Variants in C9orf50 observed in about 807,000 individuals in gnomAD.
C9orf50 encodes chromosome 9 open reading frame 50.
C9orf50 carries 33 observed loss-of-function variants against 42.5 expected under a neutral mutation model. The observed-to-expected ratio is 0.78, with a 90% CI of 0.59 to 1.04. The LOEUF (loss-of-function observed/expected upper bound fraction) is 1.04, where lower values mean the gene tolerates loss of function less well. C9orf50 is among the 50% of genes least tolerant of loss of function. The pLI, the probability that C9orf50 is intolerant of heterozygous loss-of-function variation, is 0.00. For synonymous variants in C9orf50, 257 were observed against 273.4 expected (o/e 0.94, Z 0.59); for missense variants, 547 against 594.3 (o/e 0.92, Z 0.83).
chr9:129,613,531 C>T lies in C9orf50; in HGVS notation c.947G>A (p.Ser316Asn). The T allele has an allele frequency of 6.2e-7, 1 of 1,614,218 alleles. No individual in the cohort carries two copies. Among genetic ancestry groups the T allele is most frequent in the Non-Finnish European group, 8.5e-7 (1 of 1,180,026 alleles). ...CAAACTCTCCAGCCGTTTTCCGACA[C>T]TCCCAAACACCCGCTCGGACGCCAC... The change falls in exon 5 of 7, where the codon AGT becomes AAT. Residue 316 changes from serine to asparagine, a missense_variant. Around this residue, in one of 3 missense-constraint regions of C9orf50, gnomAD observed 334 missense variants for 323.7 expected, o/e 1.03. Coordinates refer to ENST00000372478, the Ensembl canonical transcript of C9orf50. This position sits in a 1 kb window ranked among gnomAD's most constrained non-coding sequence, Gnocchi z 6.2.
At chr9:129,612,279 G>A (rs1294549980) in exon 7 of C9orf50, 2 of 1,352,998 alleles carry the variant, frequency 1.5e-6, no homozygotes, top group Non-Finnish European at 1.0e-6. Context: ...GCCTTTATTT[G>A]TGGGGCAAGG....
Position 129,620,763 on chromosome 9 carries a change from C to T in C9orf50, c.-189G>A, listed in dbSNP as rs901628668. 3 of 467,460 alleles carry T rather than the reference C, an allele frequency of 6.4e-6. No individual in the cohort carries two copies. Among genetic ancestry groups the T allele is most frequent in the Non-Finnish European group, 1.0e-5 (3 of 290,642 alleles). 29.0% of individuals were successfully genotyped at this position (467,460 alleles called of 1,614,324 possible). On this transcript the variant is annotated 5_prime_UTR_variant, in exon 1 of 7. Transcript: ENST00000372478. This position sits in a 1 kb window ranked among gnomAD's most constrained non-coding sequence, Gnocchi z 5.8. ...CGAGAGCTCCCAGAGCCTCTGTTTC[C>T]TCACCTGAAAAATGGTGACAGCAAG... is the stretch of plus-strand genomic sequence containing the variant.
In C9orf50 at chr9:129,620,050, G is replaced by T; in HGVS notation, c.508+17C>A. On this transcript the variant is annotated intron_variant, in intron 1 of 6. Coordinates refer to ENST00000372478, the Ensembl canonical transcript of C9orf50. The surrounding 1 kb of genome is among the most constrained non-coding windows in gnomAD (Gnocchi z 5.8). Reference sequence around the variant, plus strand: ...GAAATGACTCGGGCCCGCCCCCCGGGCCCCGCGGGGCCTCACTCAGTGGCT... The same window carrying T: ...GAAATGACTCGGGCCCGCCCCCCGGTCCCCGCGGGGCCTCACTCAGTGGCT... 6.9e-7 allele frequency: 1 copy of T among 1,453,530 alleles called. No individual in the cohort carries two copies. Among genetic ancestry groups the T allele is most frequent in the Non-Finnish European group, 9.1e-7 (1 of 1,101,416 alleles). The allele number at this position is 1,453,530 out of a possible 1,614,324, so 90.0% of individuals were successfully genotyped here.
At chr9:129,618,582 A>G (rs577610984) in intron 3 of C9orf50, among the ~76,000 whole-genome samples, 30 of 152,360 alleles carry the variant, frequency 2.0e-4, no homozygotes, top group Non-Finnish European at 3.7e-4. Flanking sequence ...AGCGATGGAC[A>G]GTGTCCTGGG....
rs2118852066 is a variant in C9orf50, at chr9:129,613,182, T to C, written c.1113A>G (p.Ser371=). The change falls in exon 6 of 7, where the codon TCA becomes TCG. Residue 371 remains serine, a synonymous_variant. Transcript: ENST00000372478. The surrounding 1 kb of genome is among the most constrained non-coding windows in gnomAD (Gnocchi z 6.2). Reference sequence around the variant, plus strand: ...GCCTCTGAGCAGCGGCCTTCTTCCATGAACAGAAGGGCAGGCTGCTGTTCA... The same window carrying C: ...GCCTCTGAGCAGCGGCCTTCTTCCACGAACAGAAGGGCAGGCTGCTGTTCA... The C allele has an allele frequency of 2.5e-6, 4 of 1,613,686 alleles. No individual in the cohort carries two copies. Among genetic ancestry groups the C allele is most frequent in the Non-Finnish European group, 3.4e-6 (4 of 1,180,008 alleles).
At position 129,614,029 on chromosome 9, in the gene C9orf50, G is replaced by A. The variant is rs1028618377; in HGVS notation, c.881-432C>T. On this transcript the variant is annotated intron_variant, in intron 4 of 6. Transcript: ENST00000372478. This position sits in a 1 kb window ranked among gnomAD's most constrained non-coding sequence, Gnocchi z 4.4. ...TGGCTGCCCCAGGATGGAAAGGGCTGGGAAGCAGCAGGCTGGCCCCCACGT... is the reference window on the plus strand; with the variant it reads ...TGGCTGCCCCAGGATGGAAAGGGCTAGGAAGCAGCAGGCTGGCCCCCACGT... Among the ~76,000 whole-genome samples, 1 of 152,190 alleles carries A rather than the reference G, an allele frequency of 6.6e-6. No individual in the cohort carries two copies. Among genetic ancestry groups the A allele is most frequent in the Non-Finnish European group, 1.5e-5 (1 of 68,024 alleles).
chr9:129,620,506 G>C lies in C9orf50; in HGVS notation c.69C>G (p.Asp23Glu). ...GCCGCGGGTCGCTGCTGCGTCGGAA[G>C]TCTCCGTCGCCAGGGAGCCCCTTGG... Residue 23 changes from aspartate to glutamate, a missense_variant, in exon 1 of 7, where the codon GAC (aspartate) becomes GAG (glutamate). Transcript: ENST00000372478. The surrounding 1 kb of genome is among the most constrained non-coding windows in gnomAD (Gnocchi z 5.8). 1 of 1,432,386 alleles carries C rather than the reference G, an allele frequency of 7.0e-7. No homozygotes were observed. The highest frequency in any genetic ancestry group is 9.2e-7 in the Non-Finnish European group (1 of 1,090,906). 88.7% of individuals were successfully genotyped at this position (1,432,386 alleles called of 1,614,324 possible).
In C9orf50 at chr9:129,619,484, C is replaced by T. The variant is rs891568473; in HGVS notation, c.716+36G>A. 9 of 1,468,634 alleles carry T rather than the reference C, an allele frequency of 6.1e-6. No individual in the cohort carries two copies. In the East Asian group the frequency reaches 2.1e-4, roughly 33 times the overall value. 91.0% of individuals were successfully genotyped at this position (1,468,634 alleles called of 1,614,324 possible). ...AAAGAAGGAAAGAAATGCCCCTTTC[C>T]TCCACTACCCTACCCTTATCCCGCC... On this transcript the variant is annotated intron_variant, in intron 3 of 6. Coordinates refer to ENST00000372478, the Ensembl canonical transcript of C9orf50.
chr9:129,613,504 G>C lies in C9orf50; in HGVS notation c.974C>G (p.Pro325Arg). 1 of 1,614,162 alleles carries C rather than the reference G, an allele frequency of 6.2e-7. No individual in the cohort carries two copies. Among genetic ancestry groups the C allele is most frequent in the Non-Finnish European group, 8.5e-7 (1 of 1,180,030 alleles). ...CTTGGCCCCAGGGTACAGGGCTTTG[G>C]GCAAACTCTCCAGCCGTTTTCCGAC... The change falls in exon 5 of 7, where the codon CCC becomes CGC. Residue 325 changes from proline to arginine, a missense_variant. By Grantham distance (103) the Pro-to-Arg change is moderately radical. Around this residue, in one of 3 missense-constraint regions of C9orf50, gnomAD observed 334 missense variants for 323.7 expected, o/e 1.03. Transcript: ENST00000372478. This position sits in a 1 kb window ranked among gnomAD's most constrained non-coding sequence, Gnocchi z 6.2.
upstream of C9orf50, among the ~76,000 whole-genome samples, chr9:129,621,206 C>A (rs923073313): frequency 3.3e-5 from 5 of 152,232 alleles, no homozygotes; most frequent in African/African-American, 1.2e-4. Context: ...GGAAGAGAGA[C>A]CTGACCAGCA....
Position 129,619,569 on chromosome 9 carries a change from G to A in C9orf50, c.667C>T (p.Pro223Ser), listed in dbSNP as rs76476617. Residue 223 changes from proline to serine, a missense_variant, in exon 3 of 7, where the codon CCC (proline) becomes TCC (serine). Transcript: ENST00000372478. ...AATTGTGAGTGATCACCCTTCAGGG[G>A]CCCCAGAATAGGTGTCTGCTGGAGC... is the stretch of plus-strand genomic sequence containing the variant. 3.2e-3 allele frequency: 5,181 copies of A among 1,614,062 alleles called. 12 individuals carry two copies. The highest frequency in any genetic ancestry group is 3.9e-3 in the Non-Finnish European group (4,554 of 1,179,996).
chr9:129,615,882 A>G (rs145408014), intron 3 of C9orf50, among the ~76,000 whole-genome samples: 145 of 152,386 alleles, frequency 9.5e-4, no homozygotes, highest in African/African-American at 3.4e-3. Context: ...AAACGCTGTT[A>G]TCATTCTCAT....
Position 129,614,209 on chromosome 9 carries a change from A to G in C9orf50, c.881-612T>C, listed in dbSNP as rs1008517357. ...GGATTCCCAAGAGGGGCCCGGGGTC[A>G]CTCTGGCTTCTATATGTGGCTCTGC... is the stretch of plus-strand genomic sequence containing the variant. On this transcript the variant is annotated intron_variant, in intron 4 of 6. Transcript: ENST00000372478. This position sits in a 1 kb window ranked among gnomAD's most constrained non-coding sequence, Gnocchi z 4.4. Among the ~76,000 whole-genome samples the G allele has an allele frequency of 1.3e-5, 2 of 152,064 alleles. No homozygotes were observed. Among genetic ancestry groups the G allele is most frequent in the African/African-American group, 4.8e-5 (2 of 41,380 alleles).
exon 3 of C9orf50, chr9:129,619,613 T>C: frequency 6.2e-7 from 1 of 1,614,020 alleles, no homozygotes; most frequent in Non-Finnish European, 8.5e-7. Flanking sequence ...CGTAAGACTA[T>C]CCTGGAGGTG....
In C9orf50 at chr9:129,613,332, A is replaced by G. The variant is rs535325993; in HGVS notation, c.1044-81T>C. The stretch of plus-strand genomic sequence containing the variant: ...TGGCTGGCAGGGCCCTTGAGGACCC[A>G]CACTGGCAACCCGCCTGCTGCTGGG... On this transcript the variant is annotated intron_variant, in intron 5 of 6. Transcript: ENST00000372478. The surrounding 1 kb of genome is among the most constrained non-coding windows in gnomAD (Gnocchi z 6.2). 1.1e-4 allele frequency: 176 copies of G among 1,565,824 alleles called. 1 individual carries two copies. In the South Asian group the frequency reaches 2.0e-3, roughly 17 times the overall value.
chr9:129,616,414 C>T (rs1415823272), intron 3 of C9orf50, among the ~76,000 whole-genome samples: 2 of 152,144 alleles, frequency 1.3e-5, no homozygotes, highest in African/African-American at 4.8e-5. Flanking sequence ...CGGGGTTTCA[C>T]CTTATTGGCC....
intron 6 of C9orf50, among the ~76,000 whole-genome samples, 196 bp downstream of exon 6, chr9:129,612,911 C>T (rs1314027307): frequency 6.6e-6 from 1 of 152,108 alleles, no homozygotes; most frequent in Non-Finnish European, 1.5e-5. Flanking sequence ...TGGCTTAGAG[C>T]CACCCCTTGA....
chr9:129,613,281 T>C lies in C9orf50; in HGVS notation c.1044-30A>G. 1 of 1,581,574 alleles carries C rather than the reference T, an allele frequency of 6.3e-7. No individual in the cohort carries two copies. The highest frequency in any genetic ancestry group is 1.1e-5 in the South Asian group (1 of 87,370). On this transcript the variant is annotated intron_variant, in intron 5 of 6. Transcript: ENST00000372478. The surrounding 1 kb of genome is among the most constrained non-coding windows in gnomAD (Gnocchi z 6.2). ...GGGAGACAGGACCCCATGAGCTTCC[T>C]GGACTCTGAGTCCCCGGCCCACCCA...
chr9:129,617,638 A>T (rs1830456463), intron 3 of C9orf50, among the ~76,000 whole-genome samples: 2 of 151,966 alleles, frequency 1.3e-5, no homozygotes, highest in African/African-American at 4.8e-5. Flanking sequence ...ATTTGGCCTG[A>T]TTGGTTGAAC....
Sources: allele counts gnomAD v4.1 joint callset (sites outside exome capture counted in the v4.1 genomes callset), GRCh38; gene constraint gnomAD v4.1.1; regional missense constraint gnomAD v4.1.1; non-coding constraint Gnocchi (gnomAD v3.1); transcripts MANE v1.5; gene names NCBI Gene and HGNC (gene_info 2026-07-23, HGNC 2026-07-21).